AGPAT3: variants seen among roughly 807,000 people sequenced by gnomAD.
AGPAT3 encodes the protein 1-acyl-sn-glycerol-3-phosphate acyltransferase gamma.
In AGPAT3, 5 loss-of-function variants were observed where a neutral mutation model predicts 47.3. The observed-to-expected ratio is 0.11, with a 90% confidence interval of 0.06 to 0.22. The LOEUF (loss-of-function observed/expected upper bound fraction) is 0.22. Ranked by LOEUF, AGPAT3 falls within the 10% of genes least tolerant of loss-of-function variation. AGPAT3 has a pLI of 1.00. For missense variants in AGPAT3, 315 were observed against 493.0 expected (o/e 0.64, Z 3.42); for synonymous variants, 212 against 208.3 (o/e 1.02, Z -0.15).
Position 43,939,289 on chromosome 21 carries a change from C to A in AGPAT3, c.-48-20345C>A, listed in dbSNP as rs577993442. Among the ~76,000 whole-genome samples, 1 of 152,126 alleles carries A rather than the reference C, an allele frequency of 6.6e-6. No individual in the cohort carries two copies. Among genetic ancestry groups the A allele is most frequent in the African/African-American group, 2.4e-5 (1 of 41,406 alleles). On this transcript the variant is annotated intron_variant, in intron 2 of 9. Coordinates refer to ENST00000291572, the MANE Select transcript of AGPAT3 (RefSeq NM_020132.5). The surrounding 1 kb of genome is among the most constrained non-coding windows in gnomAD (Gnocchi z 4.4). ...TGTGCTGTCGAGGGCCTCTAGCGGG[C>A]GCTCCCTTGATAACACCCCACCCCC...
chr21:43,962,283 T>C (rs567935983), intron 3 of AGPAT3, among the ~76,000 whole-genome samples: 1 of 152,290 alleles, frequency 6.6e-6, no homozygotes, highest in Admixed American at 6.5e-5. Flanking sequence ...ATTACAGGCG[T>C]GAGCCACCGC....
At chr21:43,923,425 G>T (rs367763168) in intron 2 of AGPAT3, among the ~76,000 whole-genome samples, 39 of 152,310 alleles carry the variant, frequency 2.6e-4, no homozygotes, top group South Asian at 2.1e-3. Flanking sequence ...CACTTCTGCC[G>T]TGAGATGCGT....
chr21:43,977,543 G>T (rs996546322), intron 7 of AGPAT3, among the ~76,000 whole-genome samples: 1 of 152,218 alleles, frequency 6.6e-6, no homozygotes, highest in African/African-American at 2.4e-5. Context: ...ACTCAGGGCG[G>T]ATGCCTGAGG....
Position 43,880,552 on chromosome 21 carries a change from A to G in AGPAT3, c.-112+15207A>G, listed in dbSNP as rs1438729525. ...GCAGGGATTCTGATGACTCAGAGAC[A>G]GTAGCTACCCTTTTCCCAGTGGTAT... is the stretch of plus-strand genomic sequence containing the variant. On this transcript the variant is annotated intron_variant, in intron 1 of 9. Coordinates refer to ENST00000291572, the MANE Select transcript of AGPAT3 (RefSeq NM_020132.5). The surrounding 1 kb of genome is among the most constrained non-coding windows in gnomAD (Gnocchi z 4.5). Among the ~76,000 whole-genome samples the G allele has an allele frequency of 6.6e-6, 1 of 152,248 alleles. No homozygotes were observed. The highest frequency in any genetic ancestry group is 1.5e-5 in the Non-Finnish European group (1 of 68,036).
chr21:43,887,591 C>T (rs963879148), intron 1 of AGPAT3, among the ~76,000 whole-genome samples: 3 of 152,260 alleles, frequency 2.0e-5, no homozygotes, highest in African/African-American at 7.2e-5. Flanking sequence ...CACACGCACA[C>T]ACACACACAC....
chr21:43,909,586 G>A (rs1403218044), intron 2 of AGPAT3, among the ~76,000 whole-genome samples: 1 of 152,236 alleles, frequency 6.6e-6, no homozygotes, highest in African/African-American at 2.4e-5. Flanking sequence ...ATGAGCCACT[G>A]TACCCGGCCT....
At chr21:43,890,420 A>AT (rs899093287) in intron 1 of AGPAT3, among the ~76,000 whole-genome samples, 5 of 149,904 alleles carry the variant, frequency 3.3e-5, no homozygotes, top group Admixed American at 6.7e-5. Context: ...CCCGGTCTCA[A>AT]TTTTTTTTTT....
chr21:43,883,293 G>A (rs551945400), intron 1 of AGPAT3, among the ~76,000 whole-genome samples: 46 of 152,324 alleles, frequency 3.0e-4, no homozygotes, highest in African/African-American at 1.1e-3. Context: ...AGTCCATGGT[G>A]CTGTGGCCTC....
intron 8 of AGPAT3, among the ~76,000 whole-genome samples, chr21:43,979,267 G>A (rs2089744759): frequency 7.8e-6 from 1 of 128,922 alleles, no homozygotes; most frequent in African/African-American, 3.0e-5. Flanking sequence ...CCATTGCACT[G>A]CAGCCTGGGC....
chr21:43,986,947 C>A lies in AGPAT3; in HGVS notation c.*4555C>A, dbSNP rs1383367692. ...TGTCGGGGTGAGGGCTGCTAACTTA[C>A]ACTTCAGAGGCCTGTGTCCCAAAGG... is the stretch of plus-strand genomic sequence containing the variant. On this transcript the variant is annotated 3_prime_UTR_variant, in exon 10 of 10. Transcript: ENST00000291572. Among the ~76,000 whole-genome samples, 1 of 152,204 alleles carries A rather than the reference C, an allele frequency of 6.6e-6. No homozygotes were observed. Among genetic ancestry groups the A allele is most frequent in the African/African-American group, 2.4e-5 (1 of 41,448 alleles).
rs763451674 is a variant in AGPAT3, at chr21:43,955,164, G to C, written c.-48-4470G>C. The C allele has an allele frequency of 7.8e-7, 1 of 1,275,032 alleles. No homozygotes were observed. Among genetic ancestry groups the C allele is most frequent in the African/African-American group, 1.5e-5 (1 of 65,558 alleles). 79.0% of individuals were successfully genotyped at this position (1,275,032 alleles called of 1,614,324 possible). A position where few individuals can be genotyped will look rare whatever the true frequency, so the allele number is the denominator to read the frequency against. On this transcript the variant is annotated intron_variant, in intron 2 of 9. Coordinates refer to ENST00000291572, the MANE Select transcript of AGPAT3 (RefSeq NM_020132.5). This position sits in a 1 kb window ranked among gnomAD's most constrained non-coding sequence, Gnocchi z 4.1. ...ACGGATGCGCCCTGGGTGCTGTCCC[G>C]GGGCCGTCTCAGAAGCACCGCGCTG...
At position 43,920,125 on chromosome 21, in the gene AGPAT3, C is replaced by A. The variant is rs1022396093; in HGVS notation, c.-49+16106C>A. Among the ~76,000 whole-genome samples the A allele has an allele frequency of 2.6e-5, 4 of 152,182 alleles. No homozygotes were observed. The highest frequency in any genetic ancestry group is 4.4e-5 in the Non-Finnish European group (3 of 68,026). ...AGGCGGGGGTGTGACCACGTCCGCA[C>A]CCCTCCCAGAGTGCGAGGCTGTGTC... On this transcript the variant is annotated intron_variant, in intron 2 of 9. Transcript: ENST00000291572. The surrounding 1 kb of genome is among the most constrained non-coding windows in gnomAD (Gnocchi z 6.1).
chr21:43,914,974 T>C (rs560947314), intron 2 of AGPAT3, among the ~76,000 whole-genome samples: 3 of 152,266 alleles, frequency 2.0e-5, no homozygotes, highest in Non-Finnish European at 4.4e-5. Context: ...TTATCCATTT[T>C]ATCTAGATTT....
chr21:43,947,777 G>A (rs2087970024), intron 2 of AGPAT3, among the ~76,000 whole-genome samples: 1 of 151,412 alleles, frequency 6.6e-6, no homozygotes, highest in Non-Finnish European at 1.5e-5. Context: ...CTGAGTGGCT[G>A]GGATTATAGG....
intron 1 of AGPAT3, among the ~76,000 whole-genome samples, chr21:43,888,546 G>A (rs1181097974): frequency 6.6e-6 from 1 of 151,972 alleles, no homozygotes; most frequent in Non-Finnish European, 1.5e-5. Flanking sequence ...AATAAAAGTT[G>A]AAGAAAAAAA....
chr21:43,974,281 A>G (rs898621954), intron 7 of AGPAT3, among the ~76,000 whole-genome samples: 3 of 152,104 alleles, frequency 2.0e-5, no homozygotes, highest in African/African-American at 7.2e-5. Context: ...GTGTGTAAAA[A>G]TTTGTATAAA....
chr21:43,918,208 T>TGGGTGTTGCGGCGGTTGTGGGTGTTGC (rs2086799746), intron 2 of AGPAT3, among the ~76,000 whole-genome samples: 1 of 151,362 alleles, frequency 6.6e-6, no homozygotes, highest in Admixed American at 6.6e-5. Context: ...GTGGAGGTTG[T>TGGGTGTTGCGGCGGTTGTGGGTGTTGC]GGGTGTTGCG....
At chr21:43,968,316 G>T (rs1195060947) in intron 4 of AGPAT3, among the ~76,000 whole-genome samples, 1 of 150,238 alleles carries the variant, frequency 6.7e-6, no homozygotes, top group Non-Finnish European at 1.5e-5. Flanking sequence ...GAGGGCTGGG[G>T]GTGAGTGGGG....
intron 3 of AGPAT3, among the ~76,000 whole-genome samples, chr21:43,964,680 C>T (rs1236754577): frequency 6.6e-6 from 1 of 152,056 alleles, no homozygotes; most frequent in Non-Finnish European, 1.5e-5. Flanking sequence ...ATAAAATTCC[C>T]AGATACTTGG....
Sources: gnomAD v4.1 joint callset for allele counts (sites outside exome capture counted in the v4.1 genomes callset) on GRCh38, gnomAD v4.1.1 for gene constraint, Gnocchi (gnomAD v3.1) non-coding constraint, MANE v1.5 for transcripts, NCBI Gene and HGNC (gene_info 2026-07-23, HGNC 2026-07-21) for gene names.